Variants in CLEC2B observed in about 807,000 individuals in gnomAD.
CLEC2B encodes C-type (calcium dependent, carbohydrate-recognition domain) lectin, superfamily member 2 (activation-induced).
A neutral mutation model predicts 16.2 loss-of-function variants in CLEC2B; 14 were observed. The ratio of observed to expected loss-of-function variants is 0.86; its 90% CI spans 0.57 to 1.35. CLEC2B has a LOEUF of 1.35. Among genes scored for constraint, CLEC2B ranks in the 40% most tolerant of loss-of-function variants. CLEC2B has a pLI of 0.00. For missense variants in CLEC2B, 166 were observed against 182.3 expected, an observed-to-expected ratio of 0.91 and a Z score of 0.52; for synonymous variants, 42 against 55.8, an observed-to-expected ratio of 0.75 and a Z score of 1.10.
At chr12:9,862,357 A>G in intron 2 of CLEC2B, 142 bp downstream of exon 2, 2 of 755,346 alleles carry the variant, frequency 2.6e-6, no homozygotes, top group South Asian at 4.3e-5. Context: ...TAATTAATAA[A>G]ATTTATTCAT....
In CLEC2B at chr12:9,864,417, T is replaced by C. The variant is rs76672838; in HGVS notation, c.-2-1844A>G. 6.6e-3 allele frequency among the ~76,000 whole-genome samples: 1,002 copies of C among 152,334 alleles called. 10 individuals are homozygous for C. The highest frequency in any genetic ancestry group is 0.023 in the African/African-American group (940 of 41,572). ...ACAAACCCAGAATACTCTAATACTG[T>C]AATTGTGGTGCACAATCTTCTCATA... On this transcript the variant is annotated intron_variant, in intron 1 of 4. Transcript: ENST00000228438.
At chr12:9,867,197 AT>A (rs1259082531) in intron 1 of CLEC2B, 3 of 152,284 alleles carry the variant, frequency 2.0e-5, no homozygotes, top group African/African-American at 7.2e-5. Context: ...TTGGTGTCTT[AT>A]ACAACCTGGG....
chr12:9,863,935 T>G (rs1007450481), intron 1 of CLEC2B, among the ~76,000 whole-genome samples: 2 of 151,834 alleles, frequency 1.3e-5, no homozygotes, highest in African/African-American at 4.8e-5. Flanking sequence ...AGATAAAGAT[T>G]CAGGCAGATA....
At chr12:9,857,263 A>T (rs1867900494) in intron 3 of CLEC2B, 1 of 525,080 alleles carries the variant, frequency 1.9e-6, no homozygotes. Context: ...AAAGATAGGT[A>T]TTAAGTCTAC....
At chr12:9,859,116 C>T (rs1867915150) in intron 2 of CLEC2B, among the ~76,000 whole-genome samples, 2 of 151,760 alleles carry the variant, frequency 1.3e-5, no homozygotes, top group African/African-American at 4.8e-5. Context: ...TTCAACTAAA[C>T]TTGTGGGACA....
chr12:9,865,268 T>C (rs977310427), intron 1 of CLEC2B, among the ~76,000 whole-genome samples: 3 of 150,924 alleles, frequency 2.0e-5, no homozygotes, highest in African/African-American at 7.3e-5. Flanking sequence ...ACAGGAAATC[T>C]GCTTCACCTA....
At chr12:9,854,764 A>G (rs12305497) in intron 3 of CLEC2B, 83,315 of 444,238 alleles carry the variant, frequency 0.19, 9,130 homozygotes, top group Middle Eastern at 0.24. Flanking sequence ...TTCAAACTGT[A>G]AGCTCCTAGA....
At chr12:9,854,790 T>C (rs1043078053) in intron 3 of CLEC2B, 7 of 440,812 alleles carry the variant, frequency 1.6e-5, no homozygotes, top group African/African-American at 8.2e-5. Context: ...AAGTTTGAAA[T>C]TGAGCTCTCG....
At chr12:9,857,046 T>G (rs1867898671) in intron 3 of CLEC2B, 1 of 158,182 alleles carries the variant, frequency 6.3e-6, no homozygotes, top group Non-Finnish European at 1.4e-5. Flanking sequence ...ATTGCATTAC[T>G]GGTAGAGAGT....
chr12:9,853,060 A>AGAAG lies in CLEC2B; in HGVS notation c.*239_*240insCTTC. 3 of 269,336 alleles carry AGAAG rather than the reference A, an allele frequency of 1.1e-5. No homozygotes were observed. Among genetic ancestry groups the AGAAG allele is most frequent in the South Asian group, 3.8e-5 (1 of 26,506 alleles). 16.7% of individuals were successfully genotyped at this position (269,336 alleles called of 1,614,324 possible). ...TGTTTTCTGGTTTACAGTTAAAAAA[A>AGAAG]GAAAGAAAGAAAGAAAGAAAGAAAG... On this transcript the variant is annotated 3_prime_UTR_variant, in exon 5 of 5. Coordinates refer to ENST00000228438, the MANE Select transcript of CLEC2B (RefSeq NM_005127.3).
chr12:9,857,784 T>G (rs1445897886), intron 2 of CLEC2B, 147 bp from the exon 3 acceptor site: 7 of 656,976 alleles, frequency 1.1e-5, no homozygotes, highest in African/African-American at 3.7e-5. Context: ...TGAAAAAATT[T>G]TATGTCTTTG....
intron 2 of CLEC2B, among the ~76,000 whole-genome samples, chr12:9,857,904 G>A (rs1263469940): frequency 2.6e-5 from 4 of 152,062 alleles, no homozygotes; most frequent in Admixed American, 2.0e-4. Flanking sequence ...TTCTACTTGT[G>A]TAGGTTACCG....
rs140267309 is a variant in CLEC2B, at chr12:9,864,107, C to T, written c.-2-1534G>A. ...GAGCTCCAATTTATCTGATGATAGA[C>T]GTCTCAGTGGAAACCATACAGACCA... On this transcript the variant is annotated intron_variant, in intron 1 of 4. Coordinates refer to ENST00000228438, the MANE Select transcript of CLEC2B (RefSeq NM_005127.3). Among the ~76,000 whole-genome samples, 504 of 149,850 alleles carry T rather than the reference C, an allele frequency of 3.4e-3. 2 individuals carry two copies. Among genetic ancestry groups the T allele is most frequent in the African/African-American group, 0.012 (477 of 40,696 alleles).
In CLEC2B at chr12:9,864,946, G is replaced by A. The variant is rs577526238; in HGVS notation, c.-2-2373C>T. Among the ~76,000 whole-genome samples the A allele has an allele frequency of 8.1e-4, 124 of 152,222 alleles. 1 individual carries two copies. The highest frequency in any genetic ancestry group is 2.9e-3 in the African/African-American group (121 of 41,532). ...GCCTGTAATCCCAGAATTTTGGGAG[G>A]CCAAGGCAGGCAGATCATTTGAGGT... On this transcript the variant is annotated intron_variant, in intron 1 of 4. Transcript: ENST00000228438.
intron 2 of CLEC2B, among the ~76,000 whole-genome samples, chr12:9,860,906 T>TG (rs1412611125): frequency 6.6e-6 from 1 of 151,786 alleles, no homozygotes; most frequent in Non-Finnish European, 1.5e-5. Context: ...ATTAACTAAA[T>TG]GGGAAATAAT....
At chr12:9,863,878 C>G (rs11611100) in intron 1 of CLEC2B, among the ~76,000 whole-genome samples, 1 of 151,996 alleles carries the variant, frequency 6.6e-6, no homozygotes, top group Non-Finnish European at 1.5e-5. Flanking sequence ...AGGTAGAAAG[C>G]TTATTCAAAG....
At chr12:9,865,351 G>A (rs182522775) in intron 1 of CLEC2B, among the ~76,000 whole-genome samples, 8 of 152,046 alleles carry the variant, frequency 5.3e-5, no homozygotes, top group Middle Eastern at 3.4e-3. Context: ...CAAAAAAGCC[G>A]GAGCAGCTAT....
chr12:9,865,498 A>G (rs1447365061), intron 1 of CLEC2B, among the ~76,000 whole-genome samples: 1 of 152,202 alleles, frequency 6.6e-6, no homozygotes, highest in Admixed American at 6.5e-5. Flanking sequence ...CCAACACCAG[A>G]TCTCCCAAGT....
intron 2 of CLEC2B, among the ~76,000 whole-genome samples, chr12:9,860,029 A>G (rs1347435968): frequency 3.3e-5 from 5 of 151,682 alleles, no homozygotes; most frequent in Admixed American, 6.6e-5. Flanking sequence ...TCTGATTAAG[A>G]ATATCTGCAA....
Sources: gnomAD v4.1 joint callset for allele counts (sites outside exome capture counted in the v4.1 genomes callset) on GRCh38, gnomAD v4.1.1 for gene constraint, MANE v1.5 for transcripts, NCBI Gene and HGNC (gene_info 2026-07-23, HGNC 2026-07-21) for gene names.